Variants in PAPOLA observed in about 807,000 individuals in gnomAD.
PAPOLA encodes the protein poly(A) polymerase alpha.
PAPOLA carries 15 observed loss-of-function variants against 100.6 expected under a neutral mutation model. The observed-to-expected ratio is 0.15, with a 90% CI of 0.10 to 0.23. The LOEUF (loss-of-function observed/expected upper bound fraction) is 0.23. PAPOLA is among the 10% of genes least tolerant of loss of function. PAPOLA has a pLI of 1.00. For synonymous variants in PAPOLA, 293 were observed against 300.0 expected, an observed-to-expected ratio of 0.98 and a Z score of 0.24; for missense variants, 533 against 884.2, an observed-to-expected ratio of 0.60 and a Z score of 5.04.
chr14:96,544,864 G>A (rs1340959305), intron 15 of PAPOLA, among the ~76,000 whole-genome samples: 1 of 152,056 alleles, frequency 6.6e-6, no homozygotes, highest in African/African-American at 2.4e-5. Flanking sequence ...AAATGTTAAT[G>A]CATAGGTGGG....
Position 96,502,389 on chromosome 14 carries a change from T to G in PAPOLA, c.-204T>G. 1.4e-6 allele frequency: 1 copy of G among 698,150 alleles called. No individual in the cohort carries two copies. Among genetic ancestry groups the G allele is most frequent in the South Asian group, 1.5e-5 (1 of 66,570 alleles). 43.2% of individuals were successfully genotyped at this position (698,150 alleles called of 1,614,324 possible). The stretch of plus-strand genomic sequence containing the variant: ...GGTGGCGTCAGCAGTTCTAGAACGT[T>G]GCTGTGGTAGCGCTCGGGCGCCATG... On this transcript the variant is annotated 5_prime_UTR_variant, in exon 1 of 22. Coordinates refer to ENST00000216277, the MANE Select transcript of PAPOLA (RefSeq NM_032632.5).
chr14:96,508,426 T>C (rs1308798516), intron 1 of PAPOLA, among the ~76,000 whole-genome samples: 3 of 152,206 alleles, frequency 2.0e-5, no homozygotes, highest in Non-Finnish European at 2.9e-5. Flanking sequence ...TTAAACATGT[T>C]TTCAGTCCAT....
At position 96,535,966 on chromosome 14, in the gene PAPOLA, A is replaced by G. The variant is rs1156654547; in HGVS notation, c.997A>G (p.Thr333Ala). The G allele has an allele frequency of 6.2e-7, 1 of 1,607,332 alleles. No homozygotes were observed. The highest frequency in any genetic ancestry group is 1.7e-5 in the Admixed American group (1 of 59,206). Residue 333 changes from threonine (T) to alanine (A), a missense_variant, in exon 11 of 22, where the codon ACA (threonine) becomes GCA (alanine). Physicochemically the swap from Thr to Ala is moderately conservative, Grantham distance 58 (BLOSUM62 0). This residue lies in a region of PAPOLA where 87 missense variants were observed against 173.3 expected (regional missense o/e 0.50). Transcript: ENST00000216277. The stretch of plus-strand genomic sequence containing the variant: ...CTCCACGTACAATGTGTCCGTTTCA[A>G]CACGGATGGTCATGGTTGAGGAGTT... ...QNSTYNVSVS[T>A]RMVMVEEFKQ...
At position 96,556,229 on chromosome 14, in the gene PAPOLA, C is replaced by T; in HGVS notation, c.1820C>T (p.Pro607Leu). Reference protein sequence around the residue: ...QTATQPAISPPPKPTVSRVVS... With the variant: ...QTATQPAISPLPKPTVSRVVS... ...GCCACACAACCAGCCATTTCTCCAC[C>T]ACCAAAGCCTACGGTCTCCAGAGTT... Residue 607 changes from proline (P) to leucine (L), a missense_variant, in exon 19 of 22, where the codon CCA becomes CTA. This residue lies in a region of PAPOLA where 242 missense variants were observed against 281.0 expected (regional missense o/e 0.86). Coordinates refer to ENST00000216277, the MANE Select transcript of PAPOLA (RefSeq NM_032632.5). 6.2e-7 allele frequency: 1 copy of T among 1,614,050 alleles called. No homozygotes were observed. Among genetic ancestry groups the T allele is most frequent in the South Asian group, 1.1e-5 (1 of 91,068 alleles).
intron 3 of PAPOLA, 99 bp downstream of exon 3, chr14:96,521,171 T>G: frequency 2.9e-6 from 2 of 694,632 alleles, no homozygotes; most frequent in Admixed American, 4.8e-5. Flanking sequence ...GGATTTGGAG[T>G]CTTTAATGTG....
At chr14:96,532,289 TG>T (rs752684434) in intron 7 of PAPOLA, 41 bp from the exon 8 acceptor site, 1 of 1,545,378 alleles carries the variant, frequency 6.5e-7, no homozygotes, top group Non-Finnish European at 8.7e-7. Context: ...TTGTTTTGTG[TG>T]TGTGTGTGTG....
intron 1 of PAPOLA, 200 bp downstream of exon 1, chr14:96,502,800 C>G: frequency 1.9e-6 from 1 of 537,324 alleles, no homozygotes; most frequent in Middle Eastern, 5.3e-4. Context: ...TCCCGCGTCC[C>G]CCGACCCTTC....
chr14:96,517,698 C>CT (rs774296764), intron 1 of PAPOLA, among the ~76,000 whole-genome samples: 2,495 of 121,846 alleles, frequency 0.02, 62 homozygotes, highest in African/African-American at 0.05. Flanking sequence ...TCAGCAAATG[C>CT]TTTTTTTTTT....
intron 16 of PAPOLA, among the ~76,000 whole-genome samples, chr14:96,551,831 A>G (rs57289021): frequency 0.055 from 8,336 of 152,218 alleles, 229 homozygotes; most frequent in Non-Finnish European, 0.058. Flanking sequence ...TAGGATTTGT[A>G]TATTATGTTT....
At chr14:96,522,397 G>T (rs59178847) in intron 3 of PAPOLA, among the ~76,000 whole-genome samples, 1 of 151,842 alleles carries the variant, frequency 6.6e-6, no homozygotes, top group South Asian at 2.1e-4. Context: ...GGGATTACAG[G>T]CGTGAGGTAC....
chr14:96,552,774 G>T, intron 17 of PAPOLA, 152 bp downstream of exon 17: 1 of 672,546 alleles, frequency 1.5e-6, no homozygotes, highest in Non-Finnish European at 2.4e-6. Flanking sequence ...CCCAGGTTTG[G>T]GGATAGTACT....
chr14:96,559,840 A>G (rs1901693684), intron 19 of PAPOLA, among the ~76,000 whole-genome samples: 1 of 151,930 alleles, frequency 6.6e-6, no homozygotes, highest in South Asian at 2.1e-4. Context: ...TTGTATATCT[A>G]AAAATAAGGA....
Position 96,532,548 on chromosome 14 carries a change from T to G in PAPOLA, c.735T>G (p.Gly245=). Residue 245 remains glycine, a synonymous_variant, in exon 9 of 22, where the codon GGT becomes GGG. Transcript: ENST00000216277. ...ATTCCAATATATTAGGTTTCCTCGG[T>G]GGTGTTTCCTGGGCTATGCTAGTAG... is the stretch of plus-strand genomic sequence containing the variant. ...NIYSNILGFL[G]GVSWAMLVAR... 6.2e-7 allele frequency: 1 copy of G among 1,612,454 alleles called. No individual in the cohort carries two copies. The highest frequency in any genetic ancestry group is 8.5e-7 in the Non-Finnish European group (1 of 1,179,506).
intron 3 of PAPOLA, among the ~76,000 whole-genome samples, chr14:96,522,181 G>T (rs952197672): frequency 7.2e-6 from 1 of 138,238 alleles, no homozygotes; most frequent in Non-Finnish European, 1.5e-5. Context: ...AAGTACAGTG[G>T]CACCATCTTG....
chr14:96,507,524 C>T, intron 1 of PAPOLA, among the ~76,000 whole-genome samples: 1 of 152,050 alleles, frequency 6.6e-6, no homozygotes, highest in Non-Finnish European at 1.5e-5. Context: ...ATCCGCCTGC[C>T]TCGGCCTCCC....
In PAPOLA at chr14:96,536,849, C is replaced by CT. The variant is rs1899579171; in HGVS notation, c.1031-126dup. On this transcript the variant is annotated intron_variant, in intron 11 of 21. Transcript: ENST00000216277. ...TAAGAGTATGCTCTAAAATCATAAGCTAAAACTATATATGTTAAAATTCTG... is the reference window on the plus strand; with the variant it reads ...TAAGAGTATGCTCTAAAATCATAAGCTTAAAACTATATATGTTAAAATTCTG... 8 of 611,128 alleles carry CT rather than the reference C, an allele frequency of 1.3e-5. No individual in the cohort carries two copies. In the Admixed American group the frequency reaches 1.7e-4, roughly 13 times the overall value. 37.9% of individuals were successfully genotyped at this position (611,128 alleles called of 1,614,324 possible).
intron 17 of PAPOLA, among the ~76,000 whole-genome samples, chr14:96,553,701 G>A (rs1463181589): frequency 6.6e-6 from 1 of 151,956 alleles, no homozygotes; most frequent in Admixed American, 6.6e-5. Flanking sequence ...TTGTGGAGAC[G>A]GGGTTTCACC....
intron 1 of PAPOLA, among the ~76,000 whole-genome samples, chr14:96,515,013 A>G (rs1038631035): frequency 5.9e-5 from 9 of 152,178 alleles, no homozygotes; most frequent in African/African-American, 2.2e-4. Flanking sequence ...TTTAGTATAC[A>G]GTTATATTTT....
chr14:96,515,539 TA>T (rs1897393075), intron 1 of PAPOLA, among the ~76,000 whole-genome samples: 1 of 152,244 alleles, frequency 6.6e-6, no homozygotes. Flanking sequence ...ATTAGGCTAC[TA>T]AAAATAGTTC....
Sources: allele counts gnomAD v4.1 joint callset (sites outside exome capture counted in the v4.1 genomes callset), GRCh38; gene constraint gnomAD v4.1.1; regional missense constraint gnomAD v4.1.1; transcripts MANE v1.5; gene names NCBI Gene and HGNC (gene_info 2026-07-23, HGNC 2026-07-21).